The following OR9Q1 variants were observed in gnomAD, a reference collection of about 807,000 sequenced individuals.
The protein encoded by OR9Q1 is olfactory receptor family 9 subfamily Q member 1, also known as olfactory receptor 9Q1.
For missense variants in OR9Q1, 374 were observed against 378.8 expected, an observed-to-expected ratio of 0.99 and a Z score of 0.11; for synonymous variants, 153 against 148.6, an observed-to-expected ratio of 1.03 and a Z score of -0.22.
chr11:58,112,271 T>C (rs1027818531), intron 2 of OR9Q1, among the ~76,000 whole-genome samples: 1 of 150,172 alleles, frequency 6.7e-6, no homozygotes, highest in African/African-American at 2.5e-5. Flanking sequence ...CTAGCCTAGG[T>C]GACAGAGTGA....
rs1165026899 is a variant in OR9Q1 at position 58,100,472 on chromosome 11, T to G, written c.-15+44525T>G. 2.6e-5 allele frequency among the ~76,000 whole-genome samples: 4 copies of G among 152,206 alleles called. No homozygotes were observed. The South Asian group carries it at 6.2e-4, about 24-fold the overall frequency. ...ATGTGTTATAAACTTTATCATAAAT[T>G]GTTATTTTAATTAGACATTCAGTAG... On this transcript the variant is annotated intron_variant, in intron 2 of 2. Coordinates refer to ENST00000335397, the MANE Select transcript of OR9Q1 (RefSeq NM_001005212.4).
chr11:58,140,361 C>G (rs1406414710), intron 2 of OR9Q1, among the ~76,000 whole-genome samples: 2 of 152,128 alleles, frequency 1.3e-5, no homozygotes, highest in African/African-American at 4.8e-5. Context: ...AGTCCTTGCC[C>G]ATGCCTATGT....
At chr11:58,120,743 G>A (rs1031229782) in intron 2 of OR9Q1, among the ~76,000 whole-genome samples, 7 of 148,740 alleles carry the variant, frequency 4.7e-5, no homozygotes, top group South Asian at 2.1e-4. Context: ...CATTTAACCC[G>A]CATGAACTTT....
chr11:58,118,903 A>T (rs1336255704), intron 2 of OR9Q1: 6 of 1,613,996 alleles, frequency 3.7e-6, no homozygotes, highest in Non-Finnish European at 5.1e-6. Flanking sequence ...CAGGGGTGGG[A>T]GGTCACAGAA....
intron 2 of OR9Q1, among the ~76,000 whole-genome samples, chr11:58,108,187 A>G (rs1191456488): frequency 6.6e-6 from 1 of 152,222 alleles, no homozygotes; most frequent in African/African-American, 2.4e-5. Flanking sequence ...TTTTCTGATT[A>G]GAAATTTCAC....
At chr11:58,117,374 T>C (rs767768154) in intron 2 of OR9Q1, 4 of 152,174 alleles carry the variant, frequency 2.6e-5, no homozygotes, top group Non-Finnish European at 5.9e-5. Flanking sequence ...CTCCGAGTAC[T>C]CTTTGACTCA....
intron 2 of OR9Q1, among the ~76,000 whole-genome samples, chr11:58,095,930 A>G (rs1306662384): frequency 6.6e-6 from 1 of 152,196 alleles, no homozygotes; most frequent in Non-Finnish European, 1.5e-5. Flanking sequence ...GTCTCACACC[A>G]TACTAGGTCT....
In OR9Q1 at chr11:58,161,597, G is replaced by T. The variant is rs546729793; in HGVS notation, c.-14-17834G>T. On this transcript the variant is annotated intron_variant, in intron 2 of 2. Transcript: ENST00000335397. ...CTTACTCTGTCACCCAGGCTGGAGTGCAATGGCACTGTCTAGGCTCACTGC... is the reference window on the plus strand; with the variant it reads ...CTTACTCTGTCACCCAGGCTGGAGTTCAATGGCACTGTCTAGGCTCACTGC... Among the ~76,000 whole-genome samples, 10 of 151,452 alleles carry T rather than the reference G, an allele frequency of 6.6e-5. No homozygotes were observed. In the East Asian group the frequency reaches 1.4e-3, roughly 21 times the overall value.
intron 2 of OR9Q1, among the ~76,000 whole-genome samples, chr11:58,122,763 T>G (rs1033746099): frequency 2.6e-5 from 4 of 152,134 alleles, no homozygotes; most frequent in African/African-American, 9.7e-5. Flanking sequence ...CTGTTCCTCT[T>G]AAGTGTGCAC....
At chr11:58,172,152 A>G (rs1854561844) in intron 2 of OR9Q1, among the ~76,000 whole-genome samples, 1 of 152,182 alleles carries the variant, frequency 6.6e-6, no homozygotes, top group South Asian at 2.1e-4. Flanking sequence ...TATGATTAAA[A>G]ATGTTATATT....
intron 2 of OR9Q1, among the ~76,000 whole-genome samples, chr11:58,170,733 C>G (rs1023286161): frequency 2.6e-5 from 4 of 152,146 alleles, no homozygotes. Context: ...TTCTCATTCT[C>G]TCTCTTGTCT....
chr11:58,159,209 C>T (rs947741271), intron 2 of OR9Q1, among the ~76,000 whole-genome samples: 1 of 152,192 alleles, frequency 6.6e-6, no homozygotes, highest in African/African-American at 2.4e-5. Flanking sequence ...GAAACTGTCT[C>T]TTGGTATGTG....
At chr11:58,037,426 C>T (rs920320797) in intron 1 of OR9Q1, among the ~76,000 whole-genome samples, 3 of 151,570 alleles carry the variant, frequency 2.0e-5, no homozygotes, top group Admixed American at 6.6e-5. Context: ...AGGCACCTGA[C>T]CTGAGTAGAT....
At chr11:58,133,445 G>A (rs753519357) in intron 2 of OR9Q1, among the ~76,000 whole-genome samples, 6 of 152,164 alleles carry the variant, frequency 3.9e-5, no homozygotes, top group African/African-American at 7.2e-5. Context: ...TCCCTCTGGC[G>A]CTCAGGGTGG....
chr11:58,133,899 A>G (rs1854166467), intron 2 of OR9Q1, among the ~76,000 whole-genome samples: 1 of 148,352 alleles, frequency 6.7e-6, no homozygotes, highest in South Asian at 2.1e-4. Context: ...CATAGGTGTA[A>G]TTGGTCAGAA....
chr11:58,032,147 T>G (rs1853047973), intron 1 of OR9Q1, among the ~76,000 whole-genome samples: 1 of 152,106 alleles, frequency 6.6e-6, no homozygotes, highest in Non-Finnish European at 1.5e-5. Context: ...GCTCACAGAT[T>G]GGAAGAATCA....
At chr11:58,053,632 A>ATATATATAAAAATTATATATATAT (rs1344979110) in intron 1 of OR9Q1, among the ~76,000 whole-genome samples, 1 of 118,684 alleles carries the variant, frequency 8.4e-6, no homozygotes, top group Non-Finnish European at 1.8e-5. Flanking sequence ...TATATAAAAT[A>ATATATATAAAAATTATATATATAT]TATATATATA....
intron 2 of OR9Q1, chr11:58,118,835 T>G (rs1297255639): frequency 1.2e-6 from 2 of 1,613,882 alleles, no homozygotes; most frequent in Admixed American, 1.7e-5. Context: ...ATCACAAAAT[T>G]GCCAAAGAAG....
intron 2 of OR9Q1, among the ~76,000 whole-genome samples, chr11:58,172,976 C>G (rs570311236): frequency 8.6e-5 from 13 of 151,874 alleles, no homozygotes; most frequent in African/African-American, 3.1e-4. Flanking sequence ...ATACTTTTAT[C>G]CAAAAATTAT....
Sources: gnomAD v4.1 joint callset for allele counts (sites outside exome capture counted in the v4.1 genomes callset) on GRCh38, gnomAD v4.1.1 for gene constraint, MANE v1.5 for transcripts, NCBI Gene and HGNC (gene_info 2026-07-23, HGNC 2026-07-21) for gene names.